SEMA3A: variants seen among roughly 807,000 people sequenced by gnomAD.
SEMA3A encodes semaphorin-3A.
A neutral mutation model predicts 97.9 loss-of-function variants in SEMA3A; 29 were observed. The observed-to-expected ratio is 0.30, with a 90% CI of 0.22 to 0.40. The LOEUF (loss-of-function observed/expected upper bound fraction) is 0.40, where lower values mean the gene tolerates loss of function less well. SEMA3A is among the 10% of genes least tolerant of loss of function. SEMA3A has a pLI of 1.00. For missense variants in SEMA3A, 763 were observed against 951.3 expected, an observed-to-expected ratio of 0.80 and a Z score of 2.60; for synonymous variants, 321 against 323.7, an observed-to-expected ratio of 0.99 and a Z score of 0.09.
chr7:84,311,275 G>A (rs1166445154), intron 2 of SEMA3A, among the ~76,000 whole-genome samples: 1 of 151,850 alleles, frequency 6.6e-6, no homozygotes, highest in Non-Finnish European at 1.5e-5. Flanking sequence ...ATAGAACAGT[G>A]CCCTTCAGGG....
chr7:84,181,673 T>A (rs1483606752), intron 1 of SEMA3A, among the ~76,000 whole-genome samples: 4 of 152,168 alleles, frequency 2.6e-5, no homozygotes, highest in African/African-American at 9.6e-5. Context: ...AATTCATCAC[T>A]GATTATTTTT....
Position 84,053,230 on chromosome 7 carries a change from G to C in SEMA3A, c.548-6787C>G, listed in dbSNP as rs1246374214. Reference sequence around the variant, plus strand: ...AGTTCTGTAGATGTCTATTAGGTACGCTTGGCGCAGAGCTGAGTTCAATTC... The same window carrying C: ...AGTTCTGTAGATGTCTATTAGGTACCCTTGGCGCAGAGCTGAGTTCAATTC... On this transcript the variant is annotated intron_variant, in intron 5 of 16. Coordinates refer to ENST00000265362, the MANE Select transcript of SEMA3A (RefSeq NM_006080.3). 1.9e-5 allele frequency among the ~76,000 whole-genome samples: 2 copies of C among 106,120 alleles called. 1 individual carries two copies. Among genetic ancestry groups the C allele is most frequent in the African/African-American group, 5.5e-5 (2 of 36,316 alleles). 69.6% of individuals were successfully genotyped at this position (106,120 alleles called of 152,430 possible).
chr7:84,455,189 A>AT (rs1357794750), intron 1 of SEMA3A, among the ~76,000 whole-genome samples: 2 of 151,888 alleles, frequency 1.3e-5, no homozygotes, highest in Non-Finnish European at 3.0e-5. Flanking sequence ...CTTATTTTTC[A>AT]TTTTTTATGA....
At chr7:84,309,412 G>A (rs1801257915) in intron 2 of SEMA3A, among the ~76,000 whole-genome samples, 2 of 152,134 alleles carry the variant, frequency 1.3e-5, no homozygotes, top group South Asian at 4.1e-4. Context: ...TAGTGATGAG[G>A]CTATGAAGGT....
intron 5 of SEMA3A, among the ~76,000 whole-genome samples, chr7:84,055,571 G>GT (rs1792933580): frequency 6.6e-6 from 1 of 151,552 alleles, no homozygotes; most frequent in African/African-American, 2.4e-5. Flanking sequence ...GCTCGTGCAC[G>GT]GTGCGCGCAC....
intron 6 of SEMA3A, among the ~76,000 whole-genome samples, chr7:84,020,031 C>CTTT (rs1791263472): frequency 2.9e-5 from 2 of 68,500 alleles, no homozygotes; most frequent in Admixed American, 3.2e-4. Flanking sequence ...TGATTTTTTT[C>CTTT]TTTCTTTTTT....
At chr7:84,424,498 T>C (rs11981121) in intron 1 of SEMA3A, among the ~76,000 whole-genome samples, 1 of 101,742 alleles carries the variant, frequency 9.8e-6, no homozygotes, top group African/African-American at 4.2e-5. Context: ...ATATATAATA[T>C]ATAATATATA....
At chr7:84,333,445 A>G (rs1801953162) in intron 2 of SEMA3A, among the ~76,000 whole-genome samples, 2 of 152,130 alleles carry the variant, frequency 1.3e-5, no homozygotes, top group South Asian at 4.1e-4. Context: ...CTTAGCACAC[A>G]TAGAAGAAAC....
chr7:84,292,555 T>C (rs570553446), intron 3 of SEMA3A, among the ~76,000 whole-genome samples: 39 of 151,936 alleles, frequency 2.6e-4, no homozygotes, highest in African/African-American at 8.9e-4. Flanking sequence ...ATTCTGAAAA[T>C]AGAAGCAATC....
chr7:84,237,864 A>G (rs1799272053), intron 3 of SEMA3A, among the ~76,000 whole-genome samples: 1 of 152,148 alleles, frequency 6.6e-6, no homozygotes, highest in South Asian at 2.1e-4. Flanking sequence ...GCCTTTAAAA[A>G]ATTCTGTGAG....
chr7:84,194,418 T>G (rs1798149353), intron 1 of SEMA3A, 57 bp downstream of exon 1: 4 of 1,122,074 alleles, frequency 3.6e-6, no homozygotes, highest in African/African-American at 3.8e-5. Flanking sequence ...GTTCAAGGAA[T>G]TAAGGGGGGG....
intron 1 of SEMA3A, chr7:84,371,952 C>T (rs1370837521): frequency 3.3e-5 from 5 of 151,986 alleles, no homozygotes; most frequent in African/African-American, 1.2e-4. Context: ...TTGACGCAAA[C>T]TTGAACCTTC....
intron 2 of SEMA3A, among the ~76,000 whole-genome samples, chr7:84,312,055 T>C (rs1166986900): frequency 2.0e-5 from 3 of 151,938 alleles, no homozygotes; most frequent in Admixed American, 2.0e-4. Flanking sequence ...TCTCGTCTTA[T>C]ACTGCCTCTA....
intron 1 of SEMA3A, among the ~76,000 whole-genome samples, chr7:84,393,588 G>T (rs1803646327): frequency 6.6e-6 from 1 of 152,164 alleles, no homozygotes; most frequent in East Asian, 1.9e-4. Context: ...ATTAAGTTAT[G>T]GTGTTTCTTC....
chr7:84,291,576 A>G lies in SEMA3A; in HGVS notation c.-83+15631T>C, dbSNP rs113814997. Among the ~76,000 whole-genome samples the G allele has an allele frequency of 3.3e-5, 5 of 152,236 alleles. 1 individual carries two copies. The highest frequency in any genetic ancestry group is 1.2e-4 in the African/African-American group (5 of 41,570). ...TAATTTATCTCATAAAACATTGAAC[A>G]TTTCCATTTGGAAATTTGTGTTACC... On this transcript the variant is annotated intron_variant, in intron 3 of 3. Coordinates refer to the SEMA3A transcript ENST00000424555.
chr7:84,117,761 A>C (rs927455102), intron 3 of SEMA3A, among the ~76,000 whole-genome samples: 3 of 152,178 alleles, frequency 2.0e-5, no homozygotes, highest in African/African-American at 7.2e-5. Flanking sequence ...TTGGGGAACC[A>C]CTGCTTTAAA....
chr7:84,297,091 C>T (rs552171654), intron 3 of SEMA3A, among the ~76,000 whole-genome samples: 9 of 152,196 alleles, frequency 5.9e-5, no homozygotes, highest in Non-Finnish European at 1.2e-4. Context: ...GATTCTCCTG[C>T]CTCAGCCTGC....
intron 2 of SEMA3A, among the ~76,000 whole-genome samples, chr7:84,314,494 A>G (rs1026578305): frequency 8.5e-5 from 13 of 152,166 alleles, no homozygotes; most frequent in African/African-American, 3.1e-4. Context: ...TCTTTCTGCC[A>G]TAAGACTAGT....
intron 14 of SEMA3A, among the ~76,000 whole-genome samples, chr7:83,980,603 C>CAAAAAAAAAAAAAACAAAAAAA (rs1789353637): frequency 1.9e-5 from 1 of 53,966 alleles, no homozygotes; most frequent in Non-Finnish European, 3.6e-5. Context: ...GACTCCATCT[C>CAAAAAAAAAAAAAACAAAAAAA]AAAAAAAAAA....
Sources: allele counts gnomAD v4.1 joint callset (sites outside exome capture counted in the v4.1 genomes callset), GRCh38; gene constraint gnomAD v4.1.1; transcripts MANE v1.5; gene names NCBI Gene and HGNC (gene_info 2026-07-23, HGNC 2026-07-21).